GPC3: variants seen among roughly 807,000 people sequenced by gnomAD.
GPC3 encodes the protein glypican 3, also known as glypican-3.
In GPC3, 3 loss-of-function variants were observed where a neutral mutation model predicts 34.4. That is an observed-to-expected ratio of 0.09 (90% confidence interval 0.04 to 0.23). GPC3 has a LOEUF of 0.23. Among genes scored for constraint, GPC3 ranks in the 10% least tolerant of loss-of-function variants. The probability of loss-of-function intolerance (pLI) is 1.00; values close to 1 mark genes in which losing one functional copy is unlikely to be tolerated. For synonymous variants in GPC3, 177 were observed against 174.0 expected (o/e 1.02, Z -0.13); for missense variants, 351 against 445.6 (o/e 0.79, Z 1.91).
At chrX:133,898,221 G>C (rs781312668) in intron 2 of GPC3, among the ~76,000 whole-genome samples, 1 of 111,861 alleles carries the variant, frequency 8.9e-6, no homozygotes, top group African/African-American at 3.2e-5. Context: ...GTAGGTCAGA[G>C]GCAAAGGGAG....
At chrX:133,622,127 C>T (rs898854621) in intron 6 of GPC3, among the ~76,000 whole-genome samples, 1 of 111,930 alleles carries the variant, frequency 8.9e-6, no homozygotes, top group Non-Finnish European at 1.9e-5. Context: ...ACAGAAAGGA[C>T]ATCCACACCA....
intron 6 of GPC3, among the ~76,000 whole-genome samples, chrX:133,611,758 T>A (rs1176951188): frequency 8.9e-6 from 1 of 112,026 alleles, no homozygotes; most frequent in Non-Finnish European, 1.9e-5. Flanking sequence ...ATGATTATAA[T>A]TTATACATCT....
At chrX:133,574,866 A>G (rs1043436212) in intron 7 of GPC3, among the ~76,000 whole-genome samples, 25 of 112,113 alleles carry the variant, frequency 2.2e-4, no homozygotes, top group African/African-American at 8.1e-4. Flanking sequence ...CATGGTTAGA[A>G]TGAACAGTTT....
rs373916851 is a variant in GPC3 at position 133,700,024 on chromosome X, C to A, written c.1037G>T (p.Gly346Val). 1.4e-5 allele frequency: 17 copies of A among 1,185,211 alleles called. No homozygotes were observed. The highest frequency in any genetic ancestry group is 3.5e-5 in the African/African-American group (2 of 56,663). ...TTGTTGAGAATGGGCACATAACTTG[C>A]CAATCTGAAAAAAGAAATGCAATAT... ...KNAGKLTTTIGKLCAHSQQRQ... is the reference protein window; with the variant it reads ...KNAGKLTTTIVKLCAHSQQRQ... Residue 346 changes from glycine (G) to valine (V), a missense_variant, in exon 4 of 8, where the codon GGC (glycine) becomes GTC (valine). By Grantham distance (109) the Gly-to-Val change is moderately radical. Coordinates refer to ENST00000370818, the MANE Select transcript of GPC3 (RefSeq NM_004484.4).
chrX:133,549,748 CCTCT>C (rs748478672), intron 7 of GPC3, among the ~76,000 whole-genome samples: 9 of 93,597 alleles, frequency 9.6e-5, no homozygotes, highest in African/African-American at 2.4e-4. Context: ...TACCATCCTC[CCTCT>C]CTCTCTCTTT....
At chrX:133,713,588 G>A (rs2071290129) in intron 3 of GPC3, among the ~76,000 whole-genome samples, 1 of 112,008 alleles carries the variant, frequency 8.9e-6, no homozygotes, top group Non-Finnish European at 1.9e-5. Context: ...ATTGACTTGT[G>A]AGATGAACTG....
chrX:133,684,484 C>T (rs1465317810), intron 5 of GPC3, among the ~76,000 whole-genome samples: 6 of 111,870 alleles, frequency 5.4e-5, no homozygotes, highest in Non-Finnish European at 1.1e-4. Flanking sequence ...TGAGTCTCAC[C>T]TTCAGCATGA....
chrX:133,638,694 G>A (rs1375118580), intron 6 of GPC3, among the ~76,000 whole-genome samples: 1 of 110,825 alleles, frequency 9.0e-6, no homozygotes, highest in African/African-American at 3.3e-5. Flanking sequence ...GTGGTTCACA[G>A]GGAATGATAC....
At chrX:133,724,058 T>G (rs1399726295) in intron 3 of GPC3, among the ~76,000 whole-genome samples, 2 of 112,138 alleles carry the variant, frequency 1.8e-5, no homozygotes, top group African/African-American at 6.5e-5. Context: ...CCACATTACG[T>G]TATCACATGG....
intron 3 of GPC3, among the ~76,000 whole-genome samples, chrX:133,729,411 G>C (rs2071441864): frequency 9.0e-6 from 1 of 111,178 alleles, no homozygotes; most frequent in South Asian, 3.8e-4. Flanking sequence ...TTCATTCAGG[G>C]GGAATTCCTC....
chrX:133,592,054 C>T lies in GPC3; in HGVS notation c.1573+4386G>A, dbSNP rs185225217. On this transcript the variant is annotated intron_variant, in intron 7 of 7. Transcript: ENST00000370818. ...AGGAGTGGCCTCTGAAACCAGACTT[C>T]TTGGCTCTGAATCCTGACTCTGCCC... 1.0e-3 allele frequency among the ~76,000 whole-genome samples: 114 copies of T among 111,269 alleles called. 2 individuals carry two copies. The East Asian group carries it at 0.027, about 27-fold the overall frequency.
At chrX:133,656,717 T>C (rs2124396354) in intron 6 of GPC3, among the ~76,000 whole-genome samples, 1 of 110,941 alleles carries the variant, frequency 9.0e-6, no homozygotes, top group Non-Finnish European at 1.9e-5. Flanking sequence ...TTTCATAGCC[T>C]AATGAGAACA....
chrX:133,730,743 A>G (rs775983450), intron 3 of GPC3, among the ~76,000 whole-genome samples: 20 of 111,704 alleles, frequency 1.8e-4, no homozygotes, highest in Non-Finnish European at 3.6e-4. Context: ...ATTTTTAGGT[A>G]GCAGAAGATA....
intron 2 of GPC3, among the ~76,000 whole-genome samples, chrX:133,908,054 A>C (rs1244382134): frequency 1.8e-5 from 2 of 111,265 alleles, no homozygotes; most frequent in Non-Finnish European, 3.8e-5. Context: ...TATTTTAAAA[A>C]AATGCTCCTT....
At chrX:133,843,175 T>C (rs1189999478) in intron 2 of GPC3, among the ~76,000 whole-genome samples, 2 of 111,358 alleles carry the variant, frequency 1.8e-5, no homozygotes, top group East Asian at 2.8e-4. Context: ...CAACATTAGA[T>C]TGCAACCTGA....
intron 7 of GPC3, among the ~76,000 whole-genome samples, chrX:133,567,372 G>A (rs761071123): frequency 1.8e-5 from 2 of 112,315 alleles, no homozygotes; most frequent in South Asian, 3.7e-4. Flanking sequence ...TAAAATTATG[G>A]CTAAATTTCT....
chrX:133,667,018 T>C (rs1304751001), intron 5 of GPC3, among the ~76,000 whole-genome samples: 1 of 112,117 alleles, frequency 8.9e-6, no homozygotes, highest in African/African-American at 3.2e-5. Flanking sequence ...ATATAACGAA[T>C]GAGATTTTAT....
At position 133,802,346 on chromosome X, in the gene GPC3, TAAC is replaced by T. The variant is rs34458608; in HGVS notation, c.338-48173_338-48171del. 8.5e-3 allele frequency among the ~76,000 whole-genome samples: 932 copies of T among 109,438 alleles called. 6 individuals are homozygous for T. The highest frequency in any genetic ancestry group is 0.027 in the African/African-American group (806 of 29,608). On this transcript the variant is annotated intron_variant, in intron 2 of 7. Coordinates refer to ENST00000370818, the MANE Select transcript of GPC3 (RefSeq NM_004484.4). Reference sequence around the variant, plus strand: ...AGCATTTTAGGAGGAGACATTATATTAACAACAACAACAACAACAACAACAACA... The same window carrying T: ...AGCATTTTAGGAGGAGACATTATATTAACAACAACAACAACAACAACAACA...
chrX:133,690,870 TCTC>T (rs902562177), intron 5 of GPC3, among the ~76,000 whole-genome samples: 1 of 111,678 alleles, frequency 9.0e-6, no homozygotes, highest in Non-Finnish European at 1.9e-5. Flanking sequence ...TCTTCTGTAT[TCTC>T]CTCTATAACA....
Sources: allele counts gnomAD v4.1 joint callset (sites outside exome capture counted in the v4.1 genomes callset), GRCh38; gene constraint gnomAD v4.1.1; transcripts MANE v1.5; gene names NCBI Gene and HGNC (gene_info 2026-07-23, HGNC 2026-07-21).